The following SDK1 variants were observed in gnomAD, a reference collection of about 807,000 sequenced individuals.
SDK1 encodes the protein sidekick cell adhesion molecule 1.
In SDK1, 157 loss-of-function variants were observed where a neutral mutation model predicts 245.5. That is an observed-to-expected ratio of 0.64 (90% CI 0.56 to 0.73). SDK1 has a LOEUF of 0.73. SDK1 is among the 30% of genes least tolerant of loss of function. SDK1 has a pLI of 0.00. For synonymous variants in SDK1, 1,647 were observed against 1,278.5 expected (o/e 1.29, Z -6.15); for missense variants, 3,583 against 3,002.3 (o/e 1.19, Z -4.52).
At chr7:3,904,609 G>T (rs1200378167) in intron 5 of SDK1, among the ~76,000 whole-genome samples, 1 of 152,122 alleles carries the variant, frequency 6.6e-6, no homozygotes, top group African/African-American at 2.4e-5. Flanking sequence ...GTGGAGGATG[G>T]CTTCAGCCCG....
intron 5 of SDK1, among the ~76,000 whole-genome samples, chr7:3,883,331 G>T (rs1230313565): frequency 2.0e-5 from 3 of 152,192 alleles, no homozygotes; most frequent in African/African-American, 7.2e-5. Flanking sequence ...AATTTATAAA[G>T]ACAAGATTGA....
chr7:3,310,882 A>G (rs1779533123), intron 1 of SDK1, among the ~76,000 whole-genome samples: 2 of 152,200 alleles, frequency 1.3e-5, no homozygotes, highest in African/African-American at 2.4e-5. Flanking sequence ...TCCCTGAAGA[A>G]TTGTGTAATG....
Position 3,426,629 on chromosome 7 carries a change from A to T in SDK1, c.298+124745A>T, listed in dbSNP as rs139701225. Reference sequence around the variant, plus strand: ...CCAGTCACCTGTGGCCATTATCAACATCTGTCTCCAGTTAGTCACCACCTT... The same window carrying T: ...CCAGTCACCTGTGGCCATTATCAACTTCTGTCTCCAGTTAGTCACCACCTT... On this transcript the variant is annotated intron_variant, in intron 1 of 44. Transcript: ENST00000404826. Among the ~76,000 whole-genome samples the T allele has an allele frequency of 1.0e-3, 155 of 152,342 alleles. 1 individual carries two copies. Among genetic ancestry groups the T allele is most frequent in the African/African-American group, 3.5e-3 (145 of 41,588 alleles).
chr7:3,536,581 C>A lies in SDK1; in HGVS notation c.299-82499C>A, dbSNP rs1407231906. Among the ~76,000 whole-genome samples, 3 of 151,908 alleles carry A rather than the reference C, an allele frequency of 2.0e-5. No individual in the cohort carries two copies. In the East Asian group the frequency reaches 5.8e-4, roughly 30 times the overall value. On this transcript the variant is annotated intron_variant, in intron 1 of 44. Coordinates refer to ENST00000404826, the MANE Select transcript of SDK1 (RefSeq NM_152744.4). ...TGGTGGCTCACCCCTGTGATCCCAG[C>A]TACTTGGGAGGCTGAGGCACAAGAA...
chr7:3,452,515 A>G (rs924937309), intron 1 of SDK1, among the ~76,000 whole-genome samples: 5 of 152,234 alleles, frequency 3.3e-5, no homozygotes, highest in African/African-American at 4.8e-5. Context: ...ATGAACATGC[A>G]TTAATAACAA....
chr7:3,456,025 C>CACTGTCATGGTTGACAG (rs1780654436), intron 1 of SDK1, among the ~76,000 whole-genome samples: 2 of 152,112 alleles, frequency 1.3e-5, no homozygotes, highest in Non-Finnish European at 2.9e-5. Flanking sequence ...GTTGACAGTC[C>CACTGTCATGGTTGACAG]TTTTCTTTCA....
chr7:3,668,628 T>A (rs1341583028), intron 4 of SDK1, among the ~76,000 whole-genome samples: 1 of 152,064 alleles, frequency 6.6e-6, no homozygotes, highest in Non-Finnish European at 1.5e-5. Flanking sequence ...CCATCTCTAC[T>A]AAAAATACAA....
intron 1 of SDK1, among the ~76,000 whole-genome samples, chr7:3,371,698 A>G (rs1037950158): frequency 1.3e-5 from 2 of 152,200 alleles, no homozygotes; most frequent in African/African-American, 4.8e-5. Flanking sequence ...AGAAAAAGAT[A>G]AAAGTGGGTA....
At chr7:4,050,908 G>C (rs1312883617) in intron 18 of SDK1, among the ~76,000 whole-genome samples, 3 of 139,894 alleles carry the variant, frequency 2.1e-5, no homozygotes, top group African/African-American at 8.0e-5. Flanking sequence ...ATTATATATA[G>C]TATATATAAT....
intron 26 of SDK1, 49 bp from the exon 27 acceptor site, chr7:4,129,859 C>T (rs767199969): frequency 6.2e-7 from 1 of 1,607,732 alleles, no homozygotes; most frequent in Non-Finnish European, 8.5e-7. Flanking sequence ...ACGGCGGTCC[C>T]TCCTGGCACC....
chr7:3,846,987 T>G (rs1462304058), intron 5 of SDK1, among the ~76,000 whole-genome samples: 1 of 151,976 alleles, frequency 6.6e-6, no homozygotes, highest in Admixed American at 6.5e-5. Context: ...CGGCTGGCTG[T>G]CCCCAGTGCC....
chr7:3,578,430 C>T (rs562712169), intron 1 of SDK1, among the ~76,000 whole-genome samples: 80 of 152,114 alleles, frequency 5.3e-4, no homozygotes, highest in East Asian at 2.5e-3. Flanking sequence ...CAGCTGTGCA[C>T]GTATTGTCTT....
chr7:4,062,776 C>T (rs1779621415), intron 19 of SDK1, among the ~76,000 whole-genome samples: 1 of 152,126 alleles, frequency 6.6e-6, no homozygotes, highest in South Asian at 2.1e-4. Context: ...TGAGATTTAT[C>T]CCAGGGATGC....
rs185033657 is a variant in SDK1, at chr7:3,347,485, A to G, written c.298+45601A>G. Among the ~76,000 whole-genome samples, 20 of 152,276 alleles carry G rather than the reference A, an allele frequency of 1.3e-4. 1 individual carries two copies. The highest frequency in any genetic ancestry group is 2.9e-5 in the Non-Finnish European group (2 of 68,024). ...ACCTATTCTCTGATTACTACAGTCA[A>G]GGCTCCAGAACCCTAGCCATTGGGC... On this transcript the variant is annotated intron_variant, in intron 1 of 44. Coordinates refer to ENST00000404826, the MANE Select transcript of SDK1 (RefSeq NM_152744.4).
chr7:4,209,510 T>C (rs1784404427), intron 37 of SDK1, among the ~76,000 whole-genome samples: 1 of 152,094 alleles, frequency 6.6e-6, no homozygotes, highest in African/African-American at 2.4e-5. Context: ...CCCTCCCCGC[T>C]CCAGACCCAG....
rs1788627191 is a variant in SDK1, at chr7:4,268,745, T to A, written c.*3361T>A. The A allele has an allele frequency of 5.8e-6, 8 of 1,367,760 alleles. No individual in the cohort carries two copies. Among genetic ancestry groups the A allele is most frequent in the Non-Finnish European group, 7.8e-6 (8 of 1,021,922 alleles). 84.7% of individuals were successfully genotyped at this position (1,367,760 alleles called of 1,614,324 possible). On this transcript the variant is annotated 3_prime_UTR_variant, in exon 45 of 45. Coordinates refer to ENST00000404826, the MANE Select transcript of SDK1 (RefSeq NM_152744.4). ...TGTGGCTCCCCGTGGGTCAGCGTCC[T>A]GGTAGCATGGATCCAGTCTGAAAGG...
intron 42 of SDK1, among the ~76,000 whole-genome samples, chr7:4,240,498 C>T (rs924433958): frequency 3.3e-5 from 5 of 152,116 alleles, no homozygotes; most frequent in Non-Finnish European, 7.3e-5. Context: ...CCCAGGCAAG[C>T]CCATCTTTCA....
rs1196858836 is a variant in SDK1 at position 3,441,495 on chromosome 7, T to C, written c.298+139611T>C. The stretch of plus-strand genomic sequence containing the variant: ...TCCCTTCCTTCACTGAATTGCCTAT[T>C]CACTTTCTTGGAAATCACTTGTCCA... On this transcript the variant is annotated intron_variant, in intron 1 of 44. Coordinates refer to ENST00000404826, the MANE Select transcript of SDK1 (RefSeq NM_152744.4). 2.6e-5 allele frequency among the ~76,000 whole-genome samples: 4 copies of C among 152,324 alleles called. No individual in the cohort carries two copies. In the East Asian group the frequency reaches 7.7e-4, roughly 29 times the overall value.
At position 4,265,306 on chromosome 7, in the gene SDK1, G is replaced by T. The variant is rs1436147015; in HGVS notation, c.6564G>T (p.Thr2188=). The part of the protein sequence containing the change: ...AGAQLHPVIT[T]QSAGGVYTPA... ...CGCAGCTGCACCCGGTCATCACCAC[G>T]CAGAGCGCGGGCGGCGTCTACACCC... is the stretch of plus-strand genomic sequence containing the variant. Residue 2188 remains threonine (T), a synonymous_variant, in exon 45 of 45, where the codon ACG becomes ACT. Transcript: ENST00000404826. The T allele has an allele frequency of 2.6e-6, 4 of 1,564,366 alleles. No homozygotes were observed. Among genetic ancestry groups the T allele is most frequent in the Admixed American group, 3.6e-5 (2 of 55,026 alleles).
Sources: gnomAD v4.1 joint callset for allele counts (sites outside exome capture counted in the v4.1 genomes callset) on GRCh38, gnomAD v4.1.1 for gene constraint, MANE v1.5 for transcripts, NCBI Gene and HGNC (gene_info 2026-07-23, HGNC 2026-07-21) for gene names.